Variants in CA10 observed in about 807,000 individuals in gnomAD.
The protein encoded by CA10 is carbonic anhydrase-related protein 10.
Under a neutral mutation model 44.2 loss-of-function variants are expected in CA10, and 14 were observed. The observed-to-expected ratio is 0.32, with a 90% CI of 0.21 to 0.50. The LOEUF (loss-of-function observed/expected upper bound fraction) is 0.50, where lower values mean the gene tolerates loss of function less well. CA10 is among the 20% of genes least tolerant of loss of function. The pLI is 0.99. For synonymous variants in CA10, 159 were observed against 141.6 expected (o/e 1.12, Z -0.87); for missense variants, 350 against 409.7 (o/e 0.85, Z 1.26).
At chr17:51,812,848 C>A (rs1037488204) in intron 3 of CA10, among the ~76,000 whole-genome samples, 1 of 152,176 alleles carries the variant, frequency 6.6e-6, no homozygotes, top group Admixed American at 6.5e-5. Context: ...TTGCTGACAG[C>A]ACTCTTGGAG....
intron 2 of CA10, among the ~76,000 whole-genome samples, chr17:52,025,969 T>A (rs1249477437): frequency 6.6e-6 from 1 of 152,028 alleles, no homozygotes; most frequent in Admixed American, 6.6e-5. Context: ...ACATAGTATA[T>A]ATGTATAATG....
chr17:51,635,784 A>T, intron 7 of CA10, 71 bp downstream of exon 7: 1 of 1,234,728 alleles, frequency 8.1e-7, no homozygotes, highest in Non-Finnish European at 1.1e-6. Flanking sequence ...TATAATAGGC[A>T]CTCCACATTT....
chr17:52,020,912 T>C (rs531134220), intron 2 of CA10, among the ~76,000 whole-genome samples: 20 of 152,204 alleles, frequency 1.3e-4, no homozygotes, highest in African/African-American at 4.8e-4. Flanking sequence ...TTTGGGTTTC[T>C]GCTTTTGTGT....
intron 2 of CA10, among the ~76,000 whole-genome samples, chr17:52,069,884 T>A (rs1035548337): frequency 2.0e-5 from 3 of 152,194 alleles, no homozygotes; most frequent in African/African-American, 4.8e-5. Context: ...ACTAGTTCAG[T>A]CATATCAAGT....
intron 4 of CA10, among the ~76,000 whole-genome samples, chr17:51,672,233 G>T (rs370184358): frequency 6.6e-6 from 1 of 152,104 alleles, no homozygotes; most frequent in South Asian, 2.1e-4. Flanking sequence ...CAATACTACT[G>T]CTGCTACCAC....
At chr17:51,843,994 A>G (rs1978386896) in intron 3 of CA10, among the ~76,000 whole-genome samples, 1 of 152,192 alleles carries the variant, frequency 6.6e-6, no homozygotes. Flanking sequence ...AATTTTTATA[A>G]AATAGTCTTA....
At chr17:51,760,509 C>T (rs918099088) in intron 3 of CA10, among the ~76,000 whole-genome samples, 2 of 152,108 alleles carry the variant, frequency 1.3e-5, no homozygotes, top group African/African-American at 4.8e-5. Context: ...TCTTGGATGT[C>T]TTTGGGGCAG....
chr17:51,963,394 T>A (rs1411710536), intron 2 of CA10, among the ~76,000 whole-genome samples: 1 of 152,100 alleles, frequency 6.6e-6, no homozygotes, highest in Non-Finnish European at 1.5e-5. Context: ...GAGGTAGACA[T>A]CTAGATACAA....
At chr17:51,874,949 TG>T (rs1979989265) in intron 3 of CA10, among the ~76,000 whole-genome samples, 1 of 3,402 alleles carries the variant, frequency 2.9e-4, no homozygotes, top group African/African-American at 1.3e-3. Flanking sequence ...GTTTTTCTTC[TG>T]TTTTTTTTTC....
chr17:51,831,079 T>C (rs1287028503), intron 3 of CA10, among the ~76,000 whole-genome samples: 1 of 152,202 alleles, frequency 6.6e-6, no homozygotes, highest in Non-Finnish European at 1.5e-5. Flanking sequence ...CTGAGATTCA[T>C]CACGGAAGAG....
chr17:51,686,092 G>T (rs1403075589), intron 4 of CA10, among the ~76,000 whole-genome samples: 2 of 151,560 alleles, frequency 1.3e-5, no homozygotes, highest in Non-Finnish European at 2.9e-5. Flanking sequence ...GGTCGGGGGG[G>T]GCGTCTGTTT....
chr17:51,879,493 T>C (rs1980264077), intron 3 of CA10, among the ~76,000 whole-genome samples: 1 of 152,192 alleles, frequency 6.6e-6, no homozygotes, highest in Non-Finnish European at 1.5e-5. Flanking sequence ...GCACACTTAT[T>C]TGATAACTCC....
chr17:52,047,662 T>A (rs561710319), intron 2 of CA10, among the ~76,000 whole-genome samples: 1 of 152,050 alleles, frequency 6.6e-6, no homozygotes, highest in South Asian at 2.1e-4. Flanking sequence ...CAGAGATAAA[T>A]ACTTATTTTT....
At chr17:51,728,114 A>T (rs144421709) in intron 4 of CA10, among the ~76,000 whole-genome samples, 109 of 151,766 alleles carry the variant, frequency 7.2e-4, no homozygotes, top group African/African-American at 2.6e-3. Context: ...CTGGTCTTGA[A>T]CTCCTGGGCT....
chr17:51,714,895 A>C (rs745493249), intron 4 of CA10, among the ~76,000 whole-genome samples: 8 of 152,250 alleles, frequency 5.3e-5, no homozygotes, highest in Non-Finnish European at 8.8e-5. Flanking sequence ...AGAGAATGAA[A>C]AAAATAGCAG....
At chr17:52,129,021 TAACA>T (rs1271145302) in intron 1 of CA10, among the ~76,000 whole-genome samples, 3 of 152,116 alleles carry the variant, frequency 2.0e-5, no homozygotes, top group Non-Finnish European at 4.4e-5. Flanking sequence ...AAATAACATA[TAACA>T]AACACTGTAA....
intron 2 of CA10, among the ~76,000 whole-genome samples, chr17:51,973,190 G>C (rs973793015): frequency 6.6e-6 from 1 of 152,222 alleles, no homozygotes; most frequent in Admixed American, 6.5e-5. Context: ...GAGAACACAA[G>C]GCTGTGATCT....
At chr17:51,772,961 C>T (rs1905666843) in intron 3 of CA10, among the ~76,000 whole-genome samples, 1 of 152,170 alleles carries the variant, frequency 6.6e-6, no homozygotes, top group Non-Finnish European at 1.5e-5. Flanking sequence ...CTCTGTAATT[C>T]ATGCACACAA....
intron 1 of CA10, among the ~76,000 whole-genome samples, chr17:52,124,097 A>G (rs1409490387): frequency 2.0e-5 from 3 of 152,088 alleles, no homozygotes; most frequent in African/African-American, 7.2e-5. Context: ...AACCACACTC[A>G]TTTATTCTTC....
Sources: allele counts gnomAD v4.1 joint callset (sites outside exome capture counted in the v4.1 genomes callset), GRCh38; gene constraint gnomAD v4.1.1; transcripts MANE v1.5; gene names NCBI Gene and HGNC (gene_info 2026-07-23, HGNC 2026-07-21).